Variants in RDX observed in about 807,000 individuals in gnomAD.
The protein encoded by RDX is deafness, autosomal recessive 24.
A neutral mutation model predicts 83.7 loss-of-function variants in RDX; 32 were observed. The ratio of observed to expected loss-of-function variants is 0.38; its 90% CI spans 0.29 to 0.51. The LOEUF is 0.51. Ranked by LOEUF, RDX falls within the 20% of genes least tolerant of loss-of-function variation. The probability of loss-of-function intolerance (pLI) is 0.87; values close to 1 mark genes in which losing one functional copy is unlikely to be tolerated. For missense variants in RDX, 600 were observed against 689.9 expected (o/e 0.87, Z 1.46); for synonymous variants, 229 against 222.7 (o/e 1.03, Z -0.25).
chr11:110,189,370 A>G (rs1863061102), intron 15 of RDX, among the ~76,000 whole-genome samples: 1 of 152,122 alleles, frequency 6.6e-6, no homozygotes. Flanking sequence ...GCTTAATAAA[A>G]CAAGTACTTC....
downstream of RDX, among the ~76,000 whole-genome samples, chr11:110,225,107 A>G (rs1483829655): frequency 6.6e-6 from 1 of 152,170 alleles, no homozygotes; most frequent in Non-Finnish European, 1.5e-5. Context: ...TTTCATTTCT[A>G]CAGTCTAGAG....
At chr11:110,224,220 T>TA (rs910215339) in intron 14 of RDX, among the ~76,000 whole-genome samples, 7 of 149,192 alleles carry the variant, frequency 4.7e-5, no homozygotes, top group African/African-American at 1.8e-4. Flanking sequence ...TATATATATA[T>TA]TAAAAAAAAA....
At chr11:110,224,179 A>G (rs1170982357) in intron 14 of RDX, among the ~76,000 whole-genome samples, 3 of 151,962 alleles carry the variant, frequency 2.0e-5, no homozygotes, top group Non-Finnish European at 4.4e-5. Flanking sequence ...AATGAGCTGA[A>G]AGAGTTATTT....
intron 14 of RDX, among the ~76,000 whole-genome samples, chr11:110,208,943 C>G (rs1403817957): frequency 2.6e-5 from 4 of 152,164 alleles, no homozygotes; most frequent in Non-Finnish European, 5.9e-5. Flanking sequence ...GCAACAAGAG[C>G]AAAACTCTGT....
In RDX at chr11:110,189,245, A is replaced by T. The variant is rs1425644821; in HGVS notation, c.*31+10336T>A. ...ACAAACTTTAAATGAACAACAGGTA[A>T]AAAAAAAAAAAAAAAAAAAAAAAGA... On this transcript the variant is annotated intron_variant, in intron 15 of 15. Coordinates refer to the RDX transcript ENST00000528498. Among the ~76,000 whole-genome samples the T allele has an allele frequency of 1.6e-4, 10 of 63,550 alleles. No homozygotes were observed. In the East Asian group the frequency reaches 3.5e-3, roughly 22 times the overall value. The allele number at this position is 63,550 out of a possible 152,430, so 41.7% of individuals were successfully genotyped here.
intron 15 of RDX, among the ~76,000 whole-genome samples, chr11:110,191,004 C>A (rs776536559): frequency 2.6e-5 from 4 of 152,184 alleles, no homozygotes; most frequent in Admixed American, 1.3e-4. Context: ...CTGAATTCTA[C>A]CAGATGTACA....
intron 15 of RDX, among the ~76,000 whole-genome samples, chr11:110,180,473 G>A (rs1266042033): frequency 8.6e-5 from 13 of 151,994 alleles, no homozygotes; most frequent in Non-Finnish European, 5.9e-5. Context: ...CCAATCTCAC[G>A]GCAGGTCTCA....
downstream of RDX, among the ~76,000 whole-genome samples, chr11:110,224,749 G>A (rs1382951408): frequency 6.6e-6 from 1 of 152,182 alleles, no homozygotes; most frequent in Non-Finnish European, 1.5e-5. Flanking sequence ...TAGCAAACAT[G>A]AGAGCAAATT....
In RDX at chr11:110,296,595, C is replaced by A. The variant is rs1211936661; in HGVS notation, c.-193G>T. 2 of 151,012 alleles carry A rather than the reference C, an allele frequency of 1.3e-5. No individual in the cohort carries two copies. Among genetic ancestry groups the A allele is most frequent in the African/African-American group, 2.4e-5 (1 of 41,300 alleles). 9.4% of individuals were successfully genotyped at this position (151,012 alleles called of 1,614,324 possible). ...GGGAGACGAGAGGCGCCGCCGCCAC[C>A]GCAGACAGCTCCGCAATATGGCCGC... On this transcript the variant is annotated 5_prime_UTR_variant, in exon 1 of 14. Transcript: ENST00000645495.
intron 14 of RDX, among the ~76,000 whole-genome samples, chr11:110,201,249 A>G (rs1345481539): frequency 6.6e-6 from 1 of 152,008 alleles, no homozygotes; most frequent in Non-Finnish European, 1.5e-5. Flanking sequence ...GTCACTAGTA[A>G]TATTATTCTC....
chr11:110,257,951 G>T, intron 6 of RDX, 38 bp from the exon 7 acceptor site: 1 of 1,593,742 alleles, frequency 6.3e-7, no homozygotes, highest in Non-Finnish European at 8.6e-7. Flanking sequence ...ATTTAAGTAG[G>T]AGCATATCAA....
At chr11:110,256,304 T>C (rs977978065) in intron 7 of RDX, among the ~76,000 whole-genome samples, 2 of 152,166 alleles carry the variant, frequency 1.3e-5, no homozygotes, top group Non-Finnish European at 2.9e-5. Context: ...GAGTCTTTTC[T>C]ACATAAAACA....
intron 14 of RDX, among the ~76,000 whole-genome samples, chr11:110,219,007 T>C (rs565644983): frequency 8.5e-5 from 13 of 152,290 alleles, no homozygotes; most frequent in South Asian, 8.3e-4. Flanking sequence ...TGGGGTGAGA[T>C]AGATACAATA....
chr11:110,233,337 G>C lies in RDX; in HGVS notation c.1487C>G (p.Ala496Gly). The C allele has an allele frequency of 1.9e-6, 3 of 1,614,122 alleles. No homozygotes were observed. The highest frequency in any genetic ancestry group is 2.5e-6 in the Non-Finnish European group (3 of 1,180,032). ...HDEHDENNAE[A>G]SAELSNEGVM... ...CCCTTCATTTGATAATTCAGCACTA[G>C]CTTCAGCATTATTCTCATCGTGTTC... Residue 496 changes from alanine (A) to glycine (G), a missense_variant, in exon 13 of 14, where the codon GCT becomes GGT. Physicochemically the swap from Ala to Gly is moderately conservative, Grantham distance 60. Transcript: ENST00000645495.
intron 5 of RDX, among the ~76,000 whole-genome samples, chr11:110,259,987 CTTT>C (rs926917709): frequency 2.1e-5 from 3 of 145,024 alleles, no homozygotes; most frequent in Non-Finnish European, 1.5e-5. Flanking sequence ...AACTGTTCTT[CTTT>C]TTTTTTTTTT....
At chr11:110,243,720 G>GAA (rs936428031) in intron 10 of RDX, among the ~76,000 whole-genome samples, 1 of 142,458 alleles carries the variant, frequency 7.0e-6, no homozygotes, top group Non-Finnish European at 1.5e-5. Flanking sequence ...CTTGTCTCAG[G>GAA]AAAAAAAAAA....
At chr11:110,216,196 T>C (rs1864045057) in intron 14 of RDX, among the ~76,000 whole-genome samples, 1 of 152,158 alleles carries the variant, frequency 6.6e-6, no homozygotes, top group Non-Finnish European at 1.5e-5. Flanking sequence ...CGGGGTCACC[T>C]GGCTCTGGAC....
intron 3 of RDX, among the ~76,000 whole-genome samples, chr11:110,268,312 GAA>G (rs201275055): frequency 2.9e-5 from 4 of 136,620 alleles, no homozygotes; most frequent in South Asian, 2.4e-4. Context: ...CTGTTTCGGG[GAA>G]AAAAAAAAAA....
intron 9 of RDX, among the ~76,000 whole-genome samples, chr11:110,248,129 T>C (rs951226659): frequency 2.0e-5 from 3 of 152,168 alleles, no homozygotes; most frequent in Admixed American, 1.3e-4. Context: ...ATATTGGGTA[T>C]AGTGTACATT....
Sources: allele counts gnomAD v4.1 joint callset (sites outside exome capture counted in the v4.1 genomes callset), GRCh38; gene constraint gnomAD v4.1.1; transcripts MANE v1.5; gene names NCBI Gene and HGNC (gene_info 2026-07-23, HGNC 2026-07-21).